Variants in METAP1 observed in about 807,000 individuals in gnomAD.
The protein encoded by METAP1 is methionyl aminopeptidase 1, also known as methionine aminopeptidase 1.
A neutral mutation model predicts 53.8 loss-of-function variants in METAP1; 28 were observed. The observed-to-expected ratio is 0.52, with a 90% CI of 0.39 to 0.71. The LOEUF (loss-of-function observed/expected upper bound fraction) is 0.71. METAP1 is among the 30% of genes least tolerant of loss of function. The probability of loss-of-function intolerance (pLI) is 0.00; values close to 1 mark genes in which losing one functional copy is unlikely to be tolerated. For synonymous variants in METAP1, 181 were observed against 165.7 expected (o/e 1.09, Z -0.71); for missense variants, 389 against 479.8 (o/e 0.81, Z 1.77).
At chr4:99,051,903 T>C (rs1726743298) in intron 9 of METAP1, among the ~76,000 whole-genome samples, 1 of 152,184 alleles carries the variant, frequency 6.6e-6, no homozygotes. Flanking sequence ...CCACTCCTTC[T>C]ATGTAGGAGA....
intron 8 of METAP1, among the ~76,000 whole-genome samples, chr4:99,047,938 G>A (rs766346653): frequency 6.6e-6 from 1 of 152,240 alleles, no homozygotes; most frequent in Non-Finnish European, 1.5e-5. Flanking sequence ...GTCATGGAAA[G>A]TTTGAGAACT....
At chr4:99,018,939 A>G (rs62323259) in intron 1 of METAP1, among the ~76,000 whole-genome samples, 5,631 of 152,234 alleles carry the variant, frequency 0.037, 135 homozygotes, top group African/African-American at 0.058. Context: ...TCTCTTGACC[A>G]TAAATCCGGA....
chr4:99,043,139 T>A (rs1300601124), intron 6 of METAP1, 110 bp from the exon 7 acceptor site: 1 of 765,914 alleles, frequency 1.3e-6, no homozygotes, highest in African/African-American at 1.8e-5. Context: ...TACTGAGTTC[T>A]TCATAGTAGC....
intron 1 of METAP1, among the ~76,000 whole-genome samples, chr4:99,015,805 A>G (rs1205411836): frequency 1.3e-5 from 2 of 152,226 alleles, no homozygotes; most frequent in African/African-American, 4.8e-5. Context: ...GATGATTCCA[A>G]TCTAGTTATG....
chr4:99,011,698 T>G (rs376280946), intron 1 of METAP1, among the ~76,000 whole-genome samples: 8 of 152,214 alleles, frequency 5.3e-5, no homozygotes, highest in African/African-American at 1.9e-4. Flanking sequence ...CCCAGCACTT[T>G]GGGAGGCTGA....
chr4:99,059,146 G>A (rs767210501), intron 10 of METAP1, among the ~76,000 whole-genome samples: 2 of 152,230 alleles, frequency 1.3e-5, no homozygotes, highest in Non-Finnish European at 2.9e-5. Flanking sequence ...TATACAGCCA[G>A]CACAGGTAAT....
Position 99,025,806 on chromosome 4 carries a change from A to G in METAP1, c.115-3061A>G, listed in dbSNP as rs560628117. 9.9e-5 allele frequency among the ~76,000 whole-genome samples: 15 copies of G among 152,176 alleles called. No individual in the cohort carries two copies. The East Asian group carries it at 1.2e-3, about 12-fold the overall frequency. The stretch of plus-strand genomic sequence containing the variant: ...GTCTGATAAGAAATATTTACAGTCT[A>G]TTTTCTCTGAAGCCTGTTATGTTAC... On this transcript the variant is annotated intron_variant, in intron 1 of 10. Transcript: ENST00000296411.
intron 1 of METAP1, 119 bp from the exon 2 acceptor site, chr4:99,028,748 A>G (rs1724767449): frequency 1.7e-6 from 1 of 586,468 alleles, no homozygotes. Flanking sequence ...TAATTCGCAA[A>G]GTTACAGGTC....
rs186634302 is a variant in METAP1, at chr4:99,049,323, C to G, written c.931+447C>G. 3.9e-3 allele frequency among the ~76,000 whole-genome samples: 594 copies of G among 152,236 alleles called. 25 individuals carry two copies. The highest frequency in any genetic ancestry group is 7.9e-4 in the Non-Finnish European group (54 of 68,012). On this transcript the variant is annotated intron_variant, in intron 9 of 10. Coordinates refer to ENST00000296411, the MANE Select transcript of METAP1 (RefSeq NM_015143.3). ...TTTAAATGCAAGGGAGATGGGAAAA[C>G]GTAATCTAATTGTGTTATGGAAGAA...
chr4:99,003,319 C>G (rs1723007716), intron 1 of METAP1, among the ~76,000 whole-genome samples: 1 of 152,216 alleles, frequency 6.6e-6, no homozygotes, highest in South Asian at 2.1e-4. Flanking sequence ...AAAACGCAAA[C>G]CAATCTTTGC....
rs1463105065 is a variant in METAP1 at position 99,025,465 on chromosome 4, A to G, written c.115-3402A>G. 4.1e-6 allele frequency: 4 copies of G among 983,702 alleles called. No individual in the cohort carries two copies. The African/African-American group carries it at 7.0e-5, about 17-fold the overall frequency. The allele number at this position is 983,702 out of a possible 1,614,324, so 60.9% of individuals were successfully genotyped here. On this transcript the variant is annotated intron_variant, in intron 1 of 10. Transcript: ENST00000296411. ...TACTGGAAATAAATAAGAATTACCT[A>G]CATAGCAAATTCCCAGAGATTCTGA...
At chr4:99,013,021 G>T (rs1332392302) in intron 1 of METAP1, among the ~76,000 whole-genome samples, 2 of 152,060 alleles carry the variant, frequency 1.3e-5, no homozygotes, top group Non-Finnish European at 2.9e-5. Context: ...TGAAGACCAA[G>T]GTTCTTACTA....
intron 9 of METAP1, among the ~76,000 whole-genome samples, chr4:99,051,795 GA>G (rs1726732696): frequency 6.6e-6 from 1 of 151,690 alleles, no homozygotes; most frequent in Admixed American, 6.6e-5. Flanking sequence ...TTGTATAGCA[GA>G]GATATCTTTT....
In METAP1 at chr4:99,039,420, A is replaced by G; in HGVS notation, c.387A>G (p.Lys129=). Residue 129 remains lysine, a synonymous_variant, in exon 5 of 11, where the codon AAA becomes AAG. Coordinates refer to ENST00000296411, the MANE Select transcript of METAP1 (RefSeq NM_015143.3). The part of the protein sequence containing the change: ...EQALKGTSQI[K]LLSSEDIEGM... Reference sequence around the variant, plus strand: ...CTCTTAAAGGTACTTCTCAGATTAAATTACTCTCATCTGAAGATATAGAAG... The same window carrying G: ...CTCTTAAAGGTACTTCTCAGATTAAGTTACTCTCATCTGAAGATATAGAAG... The G allele has an allele frequency of 6.2e-7, 1 of 1,611,902 alleles. No individual in the cohort carries two copies. The highest frequency in any genetic ancestry group is 8.5e-7 in the Non-Finnish European group (1 of 1,178,410).
At position 99,061,417 on chromosome 4, in the gene METAP1, G is replaced by A. The variant is rs1727540786; in HGVS notation, c.*100G>A. The A allele has an allele frequency of 8.6e-7, 1 of 1,161,520 alleles. No homozygotes were observed. The highest frequency in any genetic ancestry group is 2.5e-5 in the East Asian group (1 of 39,410). The allele number at this position is 1,161,520 out of a possible 1,614,324, so 72.0% of individuals were successfully genotyped here. On this transcript the variant is annotated 3_prime_UTR_variant, in exon 11 of 11. Transcript: ENST00000296411. ...GAACCTTTTTTTAATCACTTGTTTT[G>A]TTTTGACTATAGATAAGAAAGGACT...
At chr4:99,024,118 A>G (rs919652199) in intron 1 of METAP1, among the ~76,000 whole-genome samples, 2 of 152,242 alleles carry the variant, frequency 1.3e-5, no homozygotes, top group African/African-American at 4.8e-5. Context: ...TATGTTATCT[A>G]CAGATTCCAG....
intron 9 of METAP1, among the ~76,000 whole-genome samples, chr4:99,050,622 C>T (rs1726622951): frequency 6.6e-6 from 1 of 152,172 alleles, no homozygotes; most frequent in African/African-American, 2.4e-5. Flanking sequence ...ATGAGGGGAG[C>T]AGCAAGCAAG....
intron 9 of METAP1, among the ~76,000 whole-genome samples, chr4:99,056,711 A>G (rs1283043685): frequency 6.6e-6 from 1 of 152,004 alleles, no homozygotes; most frequent in Non-Finnish European, 1.5e-5. Flanking sequence ...CTGGGACTAC[A>G]GGCCCCCGCC....
intron 1 of METAP1, chr4:99,023,183 T>TGC: frequency 1.9e-6 from 1 of 537,878 alleles, no homozygotes; most frequent in Non-Finnish European, 3.1e-6. Context: ...AATGACTGCA[T>TGC]AGATTCATTT....
Sources: allele counts gnomAD v4.1 joint callset (sites outside exome capture counted in the v4.1 genomes callset), GRCh38; gene constraint gnomAD v4.1.1; transcripts MANE v1.5; gene names NCBI Gene and HGNC (gene_info 2026-07-23, HGNC 2026-07-21).